The following PEX14 variants were observed in gnomAD, a reference collection of about 807,000 sequenced individuals.
PEX14 encodes peroxisomal biogenesis factor 14, also known as peroxisomal membrane protein PEX14.
PEX14 carries 15 observed loss-of-function variants against 49.5 expected under a neutral mutation model. The observed-to-expected ratio is 0.30, with a 90% CI of 0.20 to 0.47. The LOEUF (loss-of-function observed/expected upper bound fraction) is 0.47. PEX14 is among the 20% of genes least tolerant of loss of function. PEX14 has a pLI of 1.00. For missense variants in PEX14, 398 were observed against 494.8 expected, an observed-to-expected ratio of 0.80 and a Z score of 1.86; for synonymous variants, 210 against 212.7, an observed-to-expected ratio of 0.99 and a Z score of 0.11.
At chr1:10,531,099 T>C (rs1423993931) in intron 2 of PEX14, among the ~76,000 whole-genome samples, 1 of 152,166 alleles carries the variant, frequency 6.6e-6, no homozygotes, top group Non-Finnish European at 1.5e-5. Context: ...GAGAGGAGCC[T>C]GCATGTAGAA....
At chr1:10,536,169 C>A in intron 2 of PEX14, 44 bp from the exon 3 acceptor site, 1 of 1,130,260 alleles carries the variant, frequency 8.8e-7, no homozygotes, top group Non-Finnish European at 1.4e-6. Context: ...GAAATTCAGA[C>A]TATTGAAGTG....
chr1:10,576,399 A>G (rs998315474), intron 3 of PEX14, among the ~76,000 whole-genome samples: 1 of 152,168 alleles, frequency 6.6e-6, no homozygotes, highest in Non-Finnish European at 1.5e-5. Flanking sequence ...TGTATTTTTT[A>G]TTGTCTTCTT....
At chr1:10,552,900 T>C (rs1639376237) in intron 3 of PEX14, among the ~76,000 whole-genome samples, 1 of 152,098 alleles carries the variant, frequency 6.6e-6, no homozygotes, top group South Asian at 2.1e-4. Context: ...CTGAAGCGGA[T>C]TGGTGACTTT....
rs577914001 is a variant in PEX14, at chr1:10,610,574, C to T, written c.299-7758C>T. ...TTGGCTCACTGTAACCTCTGCCTCC[C>T]GGGTGGGTTCAAGTGATTCTCCTGC... On this transcript the variant is annotated intron_variant, in intron 4 of 8. Coordinates refer to ENST00000356607, the MANE Select transcript of PEX14 (RefSeq NM_004565.3). Among the ~76,000 whole-genome samples the T allele has an allele frequency of 5.4e-4, 82 of 151,982 alleles. 1 individual carries two copies. Among genetic ancestry groups the T allele is most frequent in the Non-Finnish European group, 1.0e-3 (70 of 67,946 alleles).
chr1:10,581,429 C>T (rs1395112503), intron 3 of PEX14, among the ~76,000 whole-genome samples: 1 of 151,534 alleles, frequency 6.6e-6, no homozygotes, highest in Non-Finnish European at 1.5e-5. Context: ...TCTCAGCCTC[C>T]CGAGTAGTTG....
chr1:10,483,015 G>A (rs1477210097), intron 1 of PEX14, among the ~76,000 whole-genome samples: 2 of 152,176 alleles, frequency 1.3e-5, no homozygotes, highest in Non-Finnish European at 1.5e-5. Flanking sequence ...GTGACGTTGT[G>A]TCTATCTGTG....
intron 3 of PEX14, among the ~76,000 whole-genome samples, chr1:10,553,553 G>A (rs1639395646): frequency 6.6e-6 from 1 of 152,156 alleles, no homozygotes; most frequent in Non-Finnish European, 1.5e-5. Flanking sequence ...CTGAAGAAAG[G>A]GAAGATGGCA....
chr1:10,611,840 TTTA>T (rs947690603), intron 4 of PEX14, among the ~76,000 whole-genome samples: 1 of 152,244 alleles, frequency 6.6e-6, no homozygotes, highest in Non-Finnish European at 1.5e-5. Flanking sequence ...ACTTTGTCTT[TTTA>T]TTATTATTGA....
intron 3 of PEX14, among the ~76,000 whole-genome samples, chr1:10,562,583 G>GT (rs2124532045): frequency 6.6e-6 from 1 of 152,218 alleles, no homozygotes; most frequent in African/African-American, 2.4e-5. Flanking sequence ...TGCATTTTTG[G>GT]TAAGAATACA....
chr1:10,514,187 TG>T lies in PEX14; in HGVS notation c.84+18867del, dbSNP rs1641933721. Among the ~76,000 whole-genome samples, 1 of 151,666 alleles carries T rather than the reference TG, an allele frequency of 6.6e-6. No individual in the cohort carries two copies. ...GTGTGTGTGTGTGTGTGTGTGTGTG[TG>T]TGTGTGTGTGTATGGTGTTAGAAAC... On this transcript the variant is annotated intron_variant, in intron 2 of 8. Coordinates refer to ENST00000356607, the MANE Select transcript of PEX14 (RefSeq NM_004565.3). This position sits in a 1 kb window ranked among gnomAD's most constrained non-coding sequence, Gnocchi z 4.4.
At chr1:10,610,310 T>A (rs925544522) in intron 4 of PEX14, among the ~76,000 whole-genome samples, 1 of 147,810 alleles carries the variant, frequency 6.8e-6, no homozygotes, top group Non-Finnish European at 1.5e-5. Flanking sequence ...CCAGAGTATA[T>A]TTATTATATA....
intron 3 of PEX14, among the ~76,000 whole-genome samples, chr1:10,573,803 T>C (rs542660410): frequency 2.8e-4 from 42 of 152,260 alleles, no homozygotes; most frequent in African/African-American, 9.4e-4. Flanking sequence ...ATAACAGCTT[T>C]ATTTAAAACA....
At chr1:10,562,958 G>A (rs1014494683) in intron 3 of PEX14, among the ~76,000 whole-genome samples, 1 of 149,936 alleles carries the variant, frequency 6.7e-6, no homozygotes, top group African/African-American at 2.4e-5. Context: ...GTCGCCCAGG[G>A]TGGAGTGCAA....
intron 3 of PEX14, among the ~76,000 whole-genome samples, chr1:10,562,133 C>T (rs77287202): frequency 0.014 from 2,091 of 152,230 alleles, 61 homozygotes; most frequent in African/African-American, 0.048. Flanking sequence ...GCAATCCCTT[C>T]ATCTCCCCTG....
chr1:10,480,869 ATTT>A (rs1316827044), intron 1 of PEX14, among the ~76,000 whole-genome samples: 2,314 of 139,060 alleles, frequency 0.017, 63 homozygotes, highest in African/African-American at 0.063. Context: ...CTATATATAT[ATTT>A]TTTTTTTTGG....
chr1:10,541,497 G>C (rs570830735), intron 3 of PEX14, among the ~76,000 whole-genome samples: 1 of 152,216 alleles, frequency 6.6e-6, no homozygotes, highest in African/African-American at 2.4e-5. Context: ...AGCCTCTGGG[G>C]GCGGGGCCGT....
At chr1:10,540,177 C>T (rs986032379) in intron 3 of PEX14, among the ~76,000 whole-genome samples, 3 of 152,176 alleles carry the variant, frequency 2.0e-5, no homozygotes, top group Non-Finnish European at 4.4e-5. Context: ...GTAGCAAAAC[C>T]GCCTCCTTGC....
chr1:10,574,125 A>G (rs1043325716), intron 3 of PEX14, among the ~76,000 whole-genome samples: 1 of 152,198 alleles, frequency 6.6e-6, no homozygotes, highest in Non-Finnish European at 1.5e-5. Flanking sequence ...AAATGAGCCA[A>G]AACCTGGGGG....
intron 4 of PEX14, among the ~76,000 whole-genome samples, chr1:10,615,422 A>G (rs922036349): frequency 6.6e-6 from 1 of 152,248 alleles, no homozygotes; most frequent in African/African-American, 2.4e-5. Flanking sequence ...TCCTCACTCA[A>G]AATGAGATCA....
Sources: gnomAD v4.1 joint callset for allele counts (sites outside exome capture counted in the v4.1 genomes callset) on GRCh38, gnomAD v4.1.1 for gene constraint, Gnocchi (gnomAD v3.1) non-coding constraint, MANE v1.5 for transcripts, NCBI Gene and HGNC (gene_info 2026-07-23, HGNC 2026-07-21) for gene names.